TBC1D16: variants seen among roughly 807,000 people sequenced by gnomAD.
TBC1D16 encodes CTD-2529O21.1.
In TBC1D16, 58 loss-of-function variants were observed where a neutral mutation model predicts 74.7. The observed-to-expected ratio is 0.78, with a 90% confidence interval of 0.63 to 0.97. TBC1D16 has a LOEUF of 0.97. Among genes scored for constraint, TBC1D16 ranks in the 50% least tolerant of loss-of-function variants. The pLI, the probability that TBC1D16 is intolerant of heterozygous loss-of-function variation, is 0.00. For synonymous variants in TBC1D16, 493 were observed against 474.7 expected, an observed-to-expected ratio of 1.04 and a Z score of -0.50; for missense variants, 1,014 against 1,079.5, an observed-to-expected ratio of 0.94 and a Z score of 0.85.
chr17:79,978,328 C>G (rs1395280823), intron 3 of TBC1D16, among the ~76,000 whole-genome samples: 1 of 152,226 alleles, frequency 6.6e-6, no homozygotes, highest in Non-Finnish European at 1.5e-5. Context: ...AACATCACGG[C>G]TAATTAGGGA....
intron 3 of TBC1D16, among the ~76,000 whole-genome samples, chr17:79,960,267 G>A (rs1209139697): frequency 6.6e-6 from 1 of 152,000 alleles, no homozygotes; most frequent in African/African-American, 2.4e-5. Flanking sequence ...ACAGTAATAA[G>A]AAAACACAAT....
In TBC1D16 at chr17:79,940,970, G is replaced by A; in HGVS notation, c.2193C>T (p.Gly731=). Residue 731 remains glycine, a synonymous_variant, in exon 12 of 12, where the codon GGC becomes GGT. Coordinates refer to ENST00000310924, the MANE Select transcript of TBC1D16 (RefSeq NM_019020.4). This position sits in a 1 kb window ranked among gnomAD's most constrained non-coding sequence, Gnocchi z 5.4. ...PAVECTGHHP[G]SESCPYGGTV... is the part of the protein sequence containing the mutation. ...TGCCCCCGTAGGGACAGCTCTCCGAGCCGGGATGGTGGCCGGTGCACTCCA... is the reference window on the plus strand; with the variant it reads ...TGCCCCCGTAGGGACAGCTCTCCGAACCGGGATGGTGGCCGGTGCACTCCA... The A allele has an allele frequency of 6.2e-7, 1 of 1,605,702 alleles. No individual in the cohort carries two copies. Among genetic ancestry groups the A allele is most frequent in the East Asian group, 2.2e-5 (1 of 44,448 alleles).
rs1444721077 is a variant in TBC1D16 at position 79,981,929 on chromosome 17, A to G, written c.779+28231T>C. Among the ~76,000 whole-genome samples, 1 of 152,146 alleles carries G rather than the reference A, an allele frequency of 6.6e-6. No homozygotes were observed. Among genetic ancestry groups the G allele is most frequent in the Non-Finnish European group, 1.5e-5 (1 of 68,022 alleles). On this transcript the variant is annotated intron_variant, in intron 3 of 11. Transcript: ENST00000310924. The surrounding 1 kb of genome is among the most constrained non-coding windows in gnomAD (Gnocchi z 6.9). ...TGTGCGCACACACACACGCACACAC[A>G]CACACATGCACATGTATTAAAGCAA...
At chr17:79,942,514 C>T (rs917742432) in intron 10 of TBC1D16, among the ~76,000 whole-genome samples, 3 of 147,064 alleles carry the variant, frequency 2.0e-5, no homozygotes, top group Non-Finnish European at 3.0e-5. Flanking sequence ...TGGGTGGTCT[C>T]CATGACAGGG....
Position 79,949,761 on chromosome 17 carries a change from C to G in TBC1D16, c.1362G>C (p.Leu454=). The change falls in exon 7 of 12, where the codon CTG becomes CTC. Residue 454 remains leucine (L), a synonymous_variant. Transcript: ENST00000310924. The part of the protein sequence containing the change: ...HESTSEEREA[L]RLQKRKEYSE... ...AGTACTCCTTTCGCTTCTGCAGCCG[C>G]AGCGCCTCCCGCTCCTCCGACGTGG... The G allele has an allele frequency of 6.2e-7, 1 of 1,613,532 alleles. No individual in the cohort carries two copies. Among genetic ancestry groups the G allele is most frequent in the Non-Finnish European group, 8.5e-7 (1 of 1,179,884 alleles).
In TBC1D16 at chr17:79,944,086, G is replaced by A. The variant is rs866234713; in HGVS notation, c.1908+822C>T. On this transcript the variant is annotated intron_variant, in intron 10 of 11. Coordinates refer to ENST00000310924, the MANE Select transcript of TBC1D16 (RefSeq NM_019020.4). This position sits in a 1 kb window ranked among gnomAD's most constrained non-coding sequence, Gnocchi z 7.7. ...ACCGGCACTCGGTGGCTTCAGACTC[G>A]CTTTCATCAGACATCAGCCCCCTGC... The A allele has an allele frequency of 5.9e-5, 91 of 1,535,862 alleles. No homozygotes were observed. The highest frequency in any genetic ancestry group is 1.7e-4 in the Middle Eastern group (1 of 6,012).
At position 80,010,862 on chromosome 17, in the gene TBC1D16, A is replaced by G. The variant is rs1224274081; in HGVS notation, c.182-105T>C. On this transcript the variant is annotated intron_variant, in intron 2 of 11. Coordinates refer to ENST00000310924, the MANE Select transcript of TBC1D16 (RefSeq NM_019020.4). This position sits in a 1 kb window ranked among gnomAD's most constrained non-coding sequence, Gnocchi z 8.8. ...TCGGAGAGGCCACTGCCCTTTAGTA[A>G]AGTGCCAGTCCGGCCTCAGATACAG... is the stretch of plus-strand genomic sequence containing the variant. 1.3e-6 allele frequency: 1 copy of G among 781,734 alleles called. No individual in the cohort carries two copies. Among genetic ancestry groups the G allele is most frequent in the African/African-American group, 1.8e-5 (1 of 56,490 alleles). The allele number at this position is 781,734 out of a possible 1,614,324, so 48.4% of individuals were successfully genotyped here.
Position 80,005,835 on chromosome 17 carries a change from C to A in TBC1D16, c.779+4325G>T, listed in dbSNP as rs994625533. On this transcript the variant is annotated intron_variant, in intron 3 of 11. Coordinates refer to ENST00000310924, the MANE Select transcript of TBC1D16 (RefSeq NM_019020.4). ...GGCAGCCCGGGGGATACTGCCATTTCTAACCCCTAAGCTCTTCTGTGAACT... is the reference window on the plus strand; with the variant it reads ...GGCAGCCCGGGGGATACTGCCATTTATAACCCCTAAGCTCTTCTGTGAACT... 2.0e-5 allele frequency among the ~76,000 whole-genome samples: 3 copies of A among 152,162 alleles called. No individual in the cohort carries two copies. In the East Asian group the frequency reaches 5.8e-4, roughly 29 times the overall value.
At chr17:80,023,030 C>T (rs1202209479) in intron 1 of TBC1D16, among the ~76,000 whole-genome samples, 3 of 150,160 alleles carry the variant, frequency 2.0e-5, no homozygotes, top group African/African-American at 7.6e-5. Context: ...TCATGGTCCA[C>T]ACCCTCTCAG....
intron 1 of TBC1D16, among the ~76,000 whole-genome samples, chr17:80,024,816 A>G (rs1405899303): frequency 1.4e-5 from 2 of 146,782 alleles, no homozygotes; most frequent in Non-Finnish European, 3.0e-5. Flanking sequence ...CACATACACC[A>G]TAGACACACG....
intron 1 of TBC1D16, among the ~76,000 whole-genome samples, chr17:80,025,468 C>T (rs370411861): frequency 2.0e-5 from 3 of 150,052 alleles, no homozygotes; most frequent in East Asian, 1.9e-4. Flanking sequence ...GAGGAGGGGG[C>T]GCCTAGGCTC....
At position 80,010,651 on chromosome 17, in the gene TBC1D16, G is replaced by A; in HGVS notation, c.288C>T (p.Arg96=). 6.4e-7 allele frequency: 1 copy of A among 1,550,592 alleles called. No individual in the cohort carries two copies. The highest frequency in any genetic ancestry group is 8.7e-7 in the Non-Finnish European group (1 of 1,151,286). ...CGGGGGAGCTCTCGGGTGTGATGTA[G>A]CGCAGGGCCTCCTCGTCCTGCCTCT... is the stretch of plus-strand genomic sequence containing the variant. The part of the protein sequence containing the change: ...RIQRQDEEAL[R]YITPESSPVR... The change falls in exon 3 of 12, where the codon CGC becomes CGT. Residue 96 remains arginine (R), a synonymous_variant. Transcript: ENST00000310924. This position sits in a 1 kb window ranked among gnomAD's most constrained non-coding sequence, Gnocchi z 8.8.
In TBC1D16 at chr17:79,951,609, T is replaced by C. The variant is rs2033053577; in HGVS notation, c.942-12A>G. ...TGCAGGCCTCGTCGCTGAAGGGCCATTGGAAGGGGGAGAGGGAAGCCCGAT... is the reference window on the plus strand; with the variant it reads ...TGCAGGCCTCGTCGCTGAAGGGCCACTGGAAGGGGGAGAGGGAAGCCCGAT... On this transcript the variant is annotated splice_polypyrimidine_tract_variant and intron_variant, in intron 4 of 11. Coordinates refer to ENST00000310924, the MANE Select transcript of TBC1D16 (RefSeq NM_019020.4). 6.2e-7 allele frequency: 1 copy of C among 1,611,090 alleles called. No individual in the cohort carries two copies. Among genetic ancestry groups the C allele is most frequent in the African/African-American group, 1.3e-5 (1 of 74,728 alleles).
chr17:79,978,105 G>T (rs1357895997), intron 3 of TBC1D16, among the ~76,000 whole-genome samples: 3 of 152,194 alleles, frequency 2.0e-5, no homozygotes, highest in Non-Finnish European at 4.4e-5. Flanking sequence ...GGTCACGGTC[G>T]AGCTCGGGAG....
In TBC1D16 at chr17:79,996,743, T is replaced by TA. The variant is rs537497890; in HGVS notation, c.779+13416dup. Among the ~76,000 whole-genome samples the TA allele has an allele frequency of 2.4e-4, 37 of 152,246 alleles. No individual in the cohort carries two copies. The South Asian group carries it at 3.7e-3, about 15-fold the overall frequency. ...TTTTTACTAGATAAAAAACGTATTT[T>TA]AAAAAACTAATCACACAATCAATCC... On this transcript the variant is annotated intron_variant, in intron 3 of 11. Transcript: ENST00000310924.
chr17:80,017,415 C>T (rs2036126864), intron 1 of TBC1D16, among the ~76,000 whole-genome samples: 1 of 152,158 alleles, frequency 6.6e-6, no homozygotes, highest in Non-Finnish European at 1.5e-5. Context: ...GGCGCGGTGG[C>T]TCACGCCTGT....
intron 10 of TBC1D16, among the ~76,000 whole-genome samples, chr17:79,943,600 C>G (rs1231667023): frequency 1.5e-5 from 2 of 136,888 alleles, no homozygotes; most frequent in African/African-American, 2.6e-5. Context: ...CCAAATTGAT[C>G]GAGGGATGGG....
chr17:80,013,240 G>A, intron 2 of TBC1D16, 127 bp downstream of exon 2: 3 of 922,156 alleles, frequency 3.3e-6, no homozygotes, highest in Non-Finnish European at 4.7e-6. Context: ...GACAGCTGCT[G>A]TTAGTTACAC....
Position 79,947,800 on chromosome 17 carries a change from G to C in TBC1D16, c.1573C>G (p.Pro525Ala), listed in dbSNP as rs776503980. The C allele has an allele frequency of 1.2e-6, 2 of 1,613,668 alleles. No individual in the cohort carries two copies. Among genetic ancestry groups the C allele is most frequent in the Non-Finnish European group, 1.7e-6 (2 of 1,180,022 alleles). ...RILLNYAVYN[P>A]AVGYSQGMSD... ...ATCCCTTGGGAATAGCCGACGGCAG[G>C]GTTGTACACGGCGTAGTTCAGCAGG... The change falls in exon 9 of 12, where the codon CCT (proline) becomes GCT (alanine). Residue 525 changes from proline (P) to alanine (A), a missense_variant. Coordinates refer to ENST00000310924, the MANE Select transcript of TBC1D16 (RefSeq NM_019020.4).
Sources: gnomAD v4.1 joint callset for allele counts (sites outside exome capture counted in the v4.1 genomes callset) on GRCh38, gnomAD v4.1.1 for gene constraint, Gnocchi (gnomAD v3.1) non-coding constraint, MANE v1.5 for transcripts, NCBI Gene and HGNC (gene_info 2026-07-23, HGNC 2026-07-21) for gene names.